The following SMG7 variants were observed in gnomAD, a reference collection of about 807,000 sequenced individuals.
SMG7 encodes SMG7 nonsense mediated mRNA decay factor, also known as nonsense-mediated mRNA decay factor SMG7.
Under a neutral mutation model 148.2 loss-of-function variants are expected in SMG7, and 34 were observed. The ratio of observed to expected loss-of-function variants is 0.23; its 90% confidence interval spans 0.17 to 0.31. The LOEUF is 0.31. SMG7 is among the 10% of genes least tolerant of loss of function. The pLI is 1.00. For missense variants in SMG7, 1,114 were observed against 1,408.4 expected, an observed-to-expected ratio of 0.79 and a Z score of 3.35; for synonymous variants, 492 against 515.1, an observed-to-expected ratio of 0.96 and a Z score of 0.61.
intron 18 of SMG7, 157 bp from the exon 19 acceptor site, chr1:183,549,051 T>C: frequency 1.6e-6 from 1 of 609,750 alleles, no homozygotes; most frequent in Non-Finnish European, 2.9e-6. Context: ...GGCGGTGTCT[T>C]GGTGTTAACA....
At chr1:183,488,487 AGTGTGGT>A (rs1253241681) in intron 1 of SMG7, among the ~76,000 whole-genome samples, 3 of 152,184 alleles carry the variant, frequency 2.0e-5, no homozygotes, top group African/African-American at 7.2e-5. Context: ...TGTGCTGTCC[AGTGTGGT>A]AGCCACTGGC....
In SMG7 at chr1:183,552,152, G is replaced by A. The variant is rs1180967848; in HGVS notation, c.*221G>A. On this transcript the variant is annotated 3_prime_UTR_variant, in exon 23 of 23. Transcript: ENST00000688051. ...ACTCTCCGTCCCCCCGGGGCCCTCC[G>A]GAGGGAGAGAGAGAGGAACTGCTGT... The A allele has an allele frequency of 5.8e-6, 7 of 1,202,710 alleles. No individual in the cohort carries two copies. Among genetic ancestry groups the A allele is most frequent in the African/African-American group, 1.6e-5 (1 of 64,028 alleles). The allele number at this position is 1,202,710 out of a possible 1,614,324, so 74.5% of individuals were successfully genotyped here. A position where few individuals can be genotyped will look rare whatever the true frequency, so the allele number is the denominator to read the frequency against.
intron 4 of SMG7, among the ~76,000 whole-genome samples, chr1:183,518,373 A>C (rs1014656653): frequency 2.6e-5 from 4 of 152,246 alleles, no homozygotes; most frequent in Non-Finnish European, 5.9e-5. Flanking sequence ...AATTGAGCAC[A>C]AAGCCTTAGT....
At chr1:183,531,834 G>T (rs150653729) in intron 8 of SMG7, among the ~76,000 whole-genome samples, 10 of 152,178 alleles carry the variant, frequency 6.6e-5, no homozygotes, top group African/African-American at 2.4e-4. Flanking sequence ...CTCATTTTAT[G>T]CCAGTATTAT....
chr1:183,526,866 C>CA, intron 5 of SMG7, 99 bp downstream of exon 5: 1 of 905,946 alleles, frequency 1.1e-6, no homozygotes, highest in East Asian at 2.8e-5. Context: ...CATACACACA[C>CA]AATTTAGATT....
At chr1:183,493,921 G>C (rs1436361199) in intron 1 of SMG7, among the ~76,000 whole-genome samples, 1 of 152,150 alleles carries the variant, frequency 6.6e-6, no homozygotes, top group Non-Finnish European at 1.5e-5. Flanking sequence ...GTTATTGAGA[G>C]AGTTTTGGAA....
chr1:183,552,225 G>T lies in SMG7; in HGVS notation c.*294G>T. The T allele has an allele frequency of 9.4e-7, 1 of 1,059,424 alleles. No homozygotes were observed. The highest frequency in any genetic ancestry group is 4.3e-5 in the South Asian group (1 of 23,438). 65.6% of individuals were successfully genotyped at this position (1,059,424 alleles called of 1,614,324 possible). On this transcript the variant is annotated 3_prime_UTR_variant, in exon 23 of 23. Transcript: ENST00000688051. Reference sequence around the variant, plus strand: ...ATCACCGCCTCTCACCTTCTCCATCGTGCATGTCCCCAGCCACATGGGAAG... The same window carrying T: ...ATCACCGCCTCTCACCTTCTCCATCTTGCATGTCCCCAGCCACATGGGAAG...
At position 183,544,431 on chromosome 1, in the gene SMG7, G is replaced by A. The variant is rs558478492; in HGVS notation, c.1921G>A (p.Ala641Thr). The change falls in exon 15 of 23, where the codon GCA (alanine) becomes ACA (threonine). Residue 641 changes from alanine (A) to threonine (T), a missense_variant. Transcript: ENST00000688051. ...ACCTGTAACTCAAACCCCAACTCAA[G>A]CAAGTAACTCCCAGTTCATCCCCAT... ...KTPVTQTPTQ[A>T]SNSQFIPIHH... 6.8e-6 allele frequency: 11 copies of A among 1,613,960 alleles called. No homozygotes were observed. The South Asian group carries it at 8.8e-5, about 13-fold the overall frequency.
rs1669920784 is a variant in SMG7, at chr1:183,546,324, G to A, written c.2729G>A (p.Arg910Lys). The change falls in exon 17 of 23, where the codon AGA becomes AAA. Residue 910 changes from arginine to lysine, a missense_variant. Physicochemically the swap from Arg to Lys is conservative, Grantham distance 26. This residue lies in a region of SMG7 where 788 missense variants were observed against 894.5 expected (regional missense o/e 0.88). Transcript: ENST00000688051. ...VFRPEQDPVP[R>K]MPFEDPKSSP... The stretch of plus-strand genomic sequence containing the variant: ...CGTCCAGAGCAGGATCCTGTACCCA[G>A]AATGCCGTTTGAGGTGTGTGTTCTT... The A allele has an allele frequency of 1.2e-6, 2 of 1,611,296 alleles. No individual in the cohort carries two copies. Among genetic ancestry groups the A allele is most frequent in the Non-Finnish European group, 1.7e-6 (2 of 1,178,154 alleles).
At chr1:183,530,776 G>C (rs1666713754) in intron 8 of SMG7, among the ~76,000 whole-genome samples, 1 of 152,124 alleles carries the variant, frequency 6.6e-6, no homozygotes, top group Non-Finnish European at 1.5e-5. Context: ...TTTAAGTGCA[G>C]TCCTACTAAA....
chr1:183,546,198 A>C lies in SMG7; in HGVS notation c.2603A>C (p.Glu868Ala). ...AATCCCTCAGAAGTCAAGGTCCCAG[A>C]ATTCTACTGGGATTCTTCCTACAGC... is the stretch of plus-strand genomic sequence containing the variant. ...NHNPSEVKVPEFYWDSSYSMA... is the reference protein window; with the variant it reads ...NHNPSEVKVPAFYWDSSYSMA... The change falls in exon 17 of 23, where the codon GAA (glutamate) becomes GCA (alanine). Residue 868 changes from glutamate (E) to alanine (A), a missense_variant. Physicochemically the swap from Glu to Ala is moderately radical, Grantham distance 107. Coordinates refer to ENST00000688051, the MANE Select transcript of SMG7 (RefSeq NM_001375584.1). 6.2e-7 allele frequency: 1 copy of C among 1,614,042 alleles called. No individual in the cohort carries two copies. The highest frequency in any genetic ancestry group is 8.5e-7 in the Non-Finnish European group (1 of 1,179,978).
chr1:183,537,580 C>A (rs1427480163), intron 11 of SMG7, among the ~76,000 whole-genome samples: 2 of 152,168 alleles, frequency 1.3e-5, no homozygotes, highest in African/African-American at 2.4e-5. Flanking sequence ...GAACACAAAT[C>A]TCCCATACAG....
intron 1 of SMG7, among the ~76,000 whole-genome samples, chr1:183,495,549 G>A (rs1323930141): frequency 6.6e-6 from 1 of 152,114 alleles, no homozygotes; most frequent in Non-Finnish European, 1.5e-5. Flanking sequence ...AAGGGAAGTA[G>A]GATGTGGGTG....
intron 1 of SMG7, chr1:183,502,488 C>A: frequency 9.9e-7 from 1 of 1,009,636 alleles, no homozygotes; most frequent in Non-Finnish European, 1.3e-6. Context: ...TTAGAAACTT[C>A]CTGAAACATT....
intron 1 of SMG7, chr1:183,500,985 A>T (rs1174369780): frequency 2.0e-5 from 3 of 152,212 alleles, no homozygotes; most frequent in African/African-American, 7.2e-5. Flanking sequence ...CAAAGTGCGC[A>T]TAGACCTGCC....
At chr1:183,502,342 A>G in intron 1 of SMG7, 2 of 1,534,908 alleles carry the variant, frequency 1.3e-6, no homozygotes, top group Non-Finnish European at 1.7e-6. Flanking sequence ...GTCCCAGATG[A>G]GGACCGAAAA....
chr1:183,548,964 G>C (rs906781573), intron 18 of SMG7: 2 of 521,294 alleles, frequency 3.8e-6, no homozygotes, highest in Non-Finnish European at 6.8e-6. Context: ...AGGGTCTCTG[G>C]TCCCTGCCAG....
chr1:183,479,184 T>G (rs754351254), intron 1 of SMG7, among the ~76,000 whole-genome samples: 1 of 152,072 alleles, frequency 6.6e-6, no homozygotes, highest in African/African-American at 2.4e-5. Context: ...CTAAGAAAAT[T>G]TTAGGAATCT....
At chr1:183,506,856 G>GA (rs1280818185) in intron 1 of SMG7, among the ~76,000 whole-genome samples, 1 of 148,756 alleles carries the variant, frequency 6.7e-6, no homozygotes, top group Non-Finnish European at 1.5e-5. Context: ...TTTAAACCAT[G>GA]AATCTTAGAC....
Sources: allele counts gnomAD v4.1 joint callset (sites outside exome capture counted in the v4.1 genomes callset), GRCh38; gene constraint gnomAD v4.1.1; regional missense constraint gnomAD v4.1.1; transcripts MANE v1.5; gene names NCBI Gene and HGNC (gene_info 2026-07-23, HGNC 2026-07-21).